TUB: variants seen among roughly 807,000 people sequenced by gnomAD.
The protein encoded by TUB is tubby protein homolog.
A neutral mutation model predicts 59.7 loss-of-function variants in TUB; 33 were observed. The observed-to-expected ratio is 0.55, with a 90% confidence interval of 0.42 to 0.74. TUB has a LOEUF of 0.74. Among genes scored for constraint, TUB ranks in the 30% least tolerant of loss-of-function variants. TUB has a pLI of 0.00. For missense variants in TUB, 659 were observed against 672.0 expected, an observed-to-expected ratio of 0.98 and a Z score of 0.21; for synonymous variants, 293 against 256.4, an observed-to-expected ratio of 1.14 and a Z score of -1.36.
In TUB at chr11:8,039,672, G is replaced by A. The variant is rs75997657; in HGVS notation, c.183G>A (p.Lys61=). ...GAACAACCAGGAGGAAGTACTGGAAGGAAGGAAGGGAGATCGCTCGGTGAG... is the reference window on the plus strand; with the variant it reads ...GAACAACCAGGAGGAAGTACTGGAAAGAAGGAAGGGAGATCGCTCGGTGAG... The change falls in exon 2 of 13, where the codon AAG becomes AAA. Residue 61 remains lysine, a synonymous_variant. Transcript: ENST00000305253. 4.0e-3 allele frequency: 6,134 copies of A among 1,539,940 alleles called. 158 individuals are homozygous for A. In the African/African-American group the frequency reaches 0.065, roughly 16 times the overall value.
chr11:8,035,510 C>G, upstream of TUB: 1 of 152,362 alleles, frequency 6.6e-6, no homozygotes, highest in East Asian at 1.9e-4. Context: ...GGCTCAGCTT[C>G]TCTCTTCGCA....
At chr11:8,056,592 C>T (rs7941439) in intron 2 of TUB, among the ~76,000 whole-genome samples, 24,358 of 151,772 alleles carry the variant, frequency 0.16, 2,167 homozygotes, top group African/African-American at 0.21. Flanking sequence ...ACAAAGCACA[C>T]GAAGGAATTT....
At chr11:8,054,168 C>G (rs751228132) in intron 2 of TUB, among the ~76,000 whole-genome samples, 1 of 152,138 alleles carries the variant, frequency 6.6e-6, no homozygotes, top group Non-Finnish European at 1.5e-5. Flanking sequence ...TGGTCTGGCA[C>G]CTTTCTTGTC....
At position 8,097,209 on chromosome 11, in the gene TUB, C is replaced by T. The variant is rs774249737; in HGVS notation, c.688-19C>T. On this transcript the variant is annotated intron_variant, in intron 6 of 11. Coordinates refer to ENST00000299506, the MANE Select transcript of TUB (RefSeq NM_177972.3). ...CTTAGGGTCCTTGGGGCTCAGGCAC[C>T]TATTCTGCATCCCCATAGGAGGCAG... 6.2e-7 allele frequency: 1 copy of T among 1,613,530 alleles called. No homozygotes were observed. Among genetic ancestry groups the T allele is most frequent in the South Asian group, 1.1e-5 (1 of 91,054 alleles).
chr11:8,083,086 G>C (rs1373776411), intron 1 of TUB, among the ~76,000 whole-genome samples: 1 of 152,224 alleles, frequency 6.6e-6, no homozygotes, highest in Non-Finnish European at 1.5e-5. Context: ...AGTTTCTGGA[G>C]GATCCTGGCC....
chr11:8,096,890 C>A (rs531767428), intron 6 of TUB, 84 bp downstream of exon 6: 1 of 1,500,308 alleles, frequency 6.7e-7, no homozygotes, highest in Non-Finnish European at 9.3e-7. Flanking sequence ...GAGATGGACT[C>A]GTATGCCTTT....
intron 9 of TUB, 49 bp downstream of exon 9, chr11:8,098,924 C>A: frequency 7.2e-7 from 1 of 1,382,298 alleles, no homozygotes. Flanking sequence ...GATATGAAAT[C>A]CAGGACTTGA....
Position 8,048,654 on chromosome 11 carries a change from A to T in TUB, c.203+8962A>T, listed in dbSNP as rs528832991. 6.6e-5 allele frequency among the ~76,000 whole-genome samples: 10 copies of T among 152,084 alleles called. No individual in the cohort carries two copies. The East Asian group carries it at 1.7e-3, about 27-fold the overall frequency. ...CTCCTGGTCTCAAGCAATCCTCCCA[A>T]CTTGGCCTCCTAAAGTGCTGGGATT... On this transcript the variant is annotated intron_variant, in intron 2 of 12. Coordinates refer to the TUB transcript ENST00000305253.
At chr11:8,063,484 C>T (rs972976004) in intron 2 of TUB, among the ~76,000 whole-genome samples, 10 of 152,178 alleles carry the variant, frequency 6.6e-5, no homozygotes, top group Admixed American at 6.5e-4. Context: ...CGGTTTATTT[C>T]CCGTCTTGCC....
intron 11 of TUB, 48 bp downstream of exon 11, chr11:8,101,045 C>A: frequency 6.2e-7 from 1 of 1,607,422 alleles, no homozygotes; most frequent in South Asian, 1.1e-5. Flanking sequence ...ATACCCAAGG[C>A]CCTTAGCGTA....
At chr11:8,053,998 C>G (rs957865780) in intron 2 of TUB, among the ~76,000 whole-genome samples, 9 of 151,820 alleles carry the variant, frequency 5.9e-5, no homozygotes, top group Middle Eastern at 6.8e-3. Flanking sequence ...CCCTGTAGTC[C>G]CAGCTACTCG....
chr11:8,093,964 C>G, intron 3 of TUB, 82 bp from the exon 4 acceptor site: 1 of 1,562,812 alleles, frequency 6.4e-7, no homozygotes, highest in Non-Finnish European at 8.8e-7. Context: ...AAATGCTGTG[C>G]TGGGGACTGT....
In TUB at chr11:8,106,091, A is replaced by C. The variant is rs1944601653; in HGVS notation, c.*4472A>C. The stretch of plus-strand genomic sequence containing the variant: ...TGTGCTTTTATTGACTTTTTGAATA[A>C]ACTTTGGTATTCTGGAGCAAATGTA... On this transcript the variant is annotated 3_prime_UTR_variant, in exon 12 of 12. Coordinates refer to ENST00000299506, the MANE Select transcript of TUB (RefSeq NM_177972.3). The C allele has an allele frequency of 6.6e-6, 1 of 152,174 alleles. No homozygotes were observed. Among genetic ancestry groups the C allele is most frequent in the African/African-American group, 2.4e-5 (1 of 41,422 alleles). The allele number at this position is 152,174 out of a possible 1,614,324, so 9.4% of individuals were successfully genotyped here. A position where few individuals can be genotyped will look rare whatever the true frequency, so the allele number is the denominator to read the frequency against.
chr11:8,027,087 A>T (rs1436920191), intron 1 of TUB, among the ~76,000 whole-genome samples: 1 of 152,204 alleles, frequency 6.6e-6, no homozygotes, highest in East Asian at 1.9e-4. Flanking sequence ...TATAGCCTGT[A>T]TTGGGATTCT....
At chr11:8,067,336 G>C (rs1943265683) in intron 2 of TUB, 1 of 152,174 alleles carries the variant, frequency 6.6e-6, no homozygotes, top group African/African-American at 2.4e-5. Flanking sequence ...CTCCTCATGA[G>C]GTGTGTGAAC....
chr11:8,021,645 GTGGCTCACGCC>G (rs986504181), intron 1 of TUB, among the ~76,000 whole-genome samples: 3 of 152,068 alleles, frequency 2.0e-5, no homozygotes, highest in Non-Finnish European at 4.4e-5. Context: ...GCCAGGCGTG[GTGGCTCACGCC>G]TGTAATCCCA....
At chr11:8,020,514 G>T (rs946183727) in intron 1 of TUB, among the ~76,000 whole-genome samples, 1 of 152,002 alleles carries the variant, frequency 6.6e-6, no homozygotes. Context: ...CTGCACCTTC[G>T]CCTCTTTACT....
intron 3 of TUB, among the ~76,000 whole-genome samples, chr11:8,092,375 C>T (rs796962168): frequency 3.9e-5 from 6 of 152,054 alleles, no homozygotes; most frequent in African/African-American, 1.4e-4. Context: ...GAGCTATGAT[C>T]GTGCCACTGC....
intron 1 of TUB, among the ~76,000 whole-genome samples, chr11:8,028,974 T>C (rs985966426): frequency 3.3e-5 from 5 of 152,154 alleles, no homozygotes; most frequent in Middle Eastern, 3.2e-3. Context: ...ATCACACCAC[T>C]GCATGCCAGC....
Sources: allele counts gnomAD v4.1 joint callset (sites outside exome capture counted in the v4.1 genomes callset), GRCh38; gene constraint gnomAD v4.1.1; transcripts MANE v1.5; gene names NCBI Gene and HGNC (gene_info 2026-07-23, HGNC 2026-07-21).